Variants in NTRK3 observed in about 807,000 individuals in gnomAD.
NTRK3 encodes the protein neurotrophic receptor tyrosine kinase 3.
NTRK3 carries 24 observed loss-of-function variants against 91.7 expected under a neutral mutation model. That is an observed-to-expected ratio of 0.26 (90% CI 0.19 to 0.37). The LOEUF is 0.37. Ranked by LOEUF, NTRK3 falls within the 10% of genes least tolerant of loss-of-function variation. NTRK3 has a pLI of 1.00. For synonymous variants in NTRK3, 483 were observed against 404.0 expected (o/e 1.20, Z -2.34); for missense variants, 880 against 1,068.9 (o/e 0.82, Z 2.46).
intron 14 of NTRK3, among the ~76,000 whole-genome samples, chr15:87,980,186 G>A (rs2074100985): frequency 6.6e-6 from 1 of 152,222 alleles, no homozygotes; most frequent in Non-Finnish European, 1.5e-5. Flanking sequence ...GGACTTCCAT[G>A]ACAGCTCATT....
intron 3 of NTRK3, among the ~76,000 whole-genome samples, chr15:88,217,876 A>G (rs1343647630): frequency 1.3e-5 from 2 of 151,226 alleles, no homozygotes; most frequent in Non-Finnish European, 2.9e-5. Flanking sequence ...CTCCTGCCTC[A>G]GCCTCCCGAG....
exon 19 of NTRK3, chr15:87,872,613 A>G (rs532076352): frequency 6.0e-5 from 14 of 231,726 alleles, no homozygotes; most frequent in African/African-American, 2.6e-4. Context: ...AAACGCAGGC[A>G]AGTGGCTAGG....
chr15:88,184,327 C>G, intron 3 of NTRK3, 28 bp from the exon 4 acceptor site: 1 of 1,608,800 alleles, frequency 6.2e-7, no homozygotes. Flanking sequence ...AGGTAACGGT[C>G]AGCCAGAAGC....
At chr15:88,135,419 G>A (rs2151197163) in intron 9 of NTRK3, 22 bp from the exon 10 acceptor site, 1 of 1,610,384 alleles carries the variant, frequency 6.2e-7, no homozygotes, top group East Asian at 2.2e-5. Context: ...GAAGCCTGCT[G>A]AAATCCAGGA....
chr15:88,176,136 CTTT>C (rs139583264), intron 5 of NTRK3, among the ~76,000 whole-genome samples: 4 of 116,092 alleles, frequency 3.4e-5, no homozygotes, highest in African/African-American at 3.6e-5. Flanking sequence ...TATGCCCCTT[CTTT>C]TTTTTTTTTT....
rs539847354 is a variant in NTRK3, at chr15:88,106,447, T to A, written c.1396+19824A>T. 2.0e-5 allele frequency among the ~76,000 whole-genome samples: 3 copies of A among 152,292 alleles called. No individual in the cohort carries two copies. In the East Asian group the frequency reaches 5.8e-4, roughly 29 times the overall value. On this transcript the variant is annotated intron_variant, in intron 13 of 18. Coordinates refer to ENST00000394480, the Ensembl canonical transcript of NTRK3. ...TCTGAATTAACCAAGTGAAATGGTA[T>A]AATACACAAGCAACGTGAAAAGAAA... is the stretch of plus-strand genomic sequence containing the variant.
chr15:87,938,223 G>T (rs1027083141), intron 15 of NTRK3, among the ~76,000 whole-genome samples: 1 of 152,166 alleles, frequency 6.6e-6, no homozygotes, highest in Non-Finnish European at 1.5e-5. Flanking sequence ...ATAGGCTGTG[G>T]TTTCTGCTTC....
chr15:88,034,230 A>G (rs1213539599), intron 13 of NTRK3, among the ~76,000 whole-genome samples: 1 of 152,162 alleles, frequency 6.6e-6, no homozygotes, highest in Non-Finnish European at 1.5e-5. Flanking sequence ...CATGATCTCC[A>G]TACCAGCAGC....
chr15:88,166,412 A>G (rs1294891852), intron 5 of NTRK3, among the ~76,000 whole-genome samples: 2 of 152,160 alleles, frequency 1.3e-5, no homozygotes, highest in African/African-American at 4.8e-5. Flanking sequence ...CATTCGCTTA[A>G]GGACATAGGT....
At chr15:88,039,541 C>G (rs1276133602) in intron 13 of NTRK3, among the ~76,000 whole-genome samples, 1 of 152,218 alleles carries the variant, frequency 6.6e-6, no homozygotes, top group East Asian at 1.9e-4. Flanking sequence ...TCCTCCCCTC[C>G]CTGTTCTTCC....
chr15:88,111,899 T>TTG (rs1182001457), intron 13 of NTRK3, among the ~76,000 whole-genome samples: 1 of 97,506 alleles, frequency 1.0e-5, no homozygotes, highest in Admixed American at 8.8e-5. Context: ...TGGTTTTTTT[T>TTG]TTGTTTTTGT....
At chr15:88,138,079 C>A (rs1229379072) in intron 6 of NTRK3, among the ~76,000 whole-genome samples, 2 of 151,394 alleles carry the variant, frequency 1.3e-5, no homozygotes, top group African/African-American at 4.9e-5. Context: ...ATCCACCTCA[C>A]TTCATGCAAC....
intron 13 of NTRK3, among the ~76,000 whole-genome samples, chr15:88,052,356 G>A (rs771880240): frequency 3.3e-5 from 5 of 152,194 alleles, no homozygotes; most frequent in Non-Finnish European, 5.9e-5. Flanking sequence ...TCCAAGAGAT[G>A]AGGTGACTTG....
rs142811996 is a variant in NTRK3 at position 87,993,706 on chromosome 15, C to G, written c.1585+39151G>C. Among the ~76,000 whole-genome samples, 470 of 152,254 alleles carry G rather than the reference C, an allele frequency of 3.1e-3. 1 individual carries two copies. Among genetic ancestry groups the G allele is most frequent in the African/African-American group, 0.01 (426 of 41,544 alleles). On this transcript the variant is annotated intron_variant, in intron 14 of 18. Coordinates refer to ENST00000394480, the Ensembl canonical transcript of NTRK3. ...CAGTGCCAGGCACTATAGCAGATAC[C>G]AGCAAATGTATATCAAATCCCTGCT...
chr15:88,149,274 TG>T (rs962670942), intron 5 of NTRK3, among the ~76,000 whole-genome samples: 5 of 152,188 alleles, frequency 3.3e-5, no homozygotes, highest in African/African-American at 1.2e-4. Context: ...GTCCCTGAGA[TG>T]GCCCATGACT....
At chr15:87,958,688 G>C (rs929717999) in intron 14 of NTRK3, among the ~76,000 whole-genome samples, 2 of 151,750 alleles carry the variant, frequency 1.3e-5, no homozygotes, top group African/African-American at 4.8e-5. Context: ...ATCTGCAATA[G>C]ACCCTCTGCC....
intron 14 of NTRK3, among the ~76,000 whole-genome samples, chr15:87,980,192 T>C (rs760563775): frequency 6.6e-6 from 1 of 152,214 alleles, no homozygotes; most frequent in Non-Finnish European, 1.5e-5. Flanking sequence ...CCATGACAGC[T>C]CATTTCCTTT....
At chr15:88,015,016 A>G (rs1382270633) in intron 14 of NTRK3, among the ~76,000 whole-genome samples, 6 of 152,234 alleles carry the variant, frequency 3.9e-5, no homozygotes, top group Admixed American at 3.9e-4. Context: ...CAACTGCTAG[A>G]TCGCTCTCAT....
At chr15:88,229,813 T>C (rs1044128964) in intron 3 of NTRK3, among the ~76,000 whole-genome samples, 1 of 152,242 alleles carries the variant, frequency 6.6e-6, no homozygotes, top group East Asian at 1.9e-4. Flanking sequence ...GGTTGTCTTA[T>C]ACAAGATGAA....
Sources: gnomAD v4.1 joint callset for allele counts (sites outside exome capture counted in the v4.1 genomes callset) on GRCh38, gnomAD v4.1.1 for gene constraint, MANE v1.5 for transcripts, NCBI Gene and HGNC (gene_info 2026-07-23, HGNC 2026-07-21) for gene names.